ACSM1: variants seen among roughly 807,000 people sequenced by gnomAD.
ACSM1 encodes the protein acyl-coenzyme A synthetase ACSM1, mitochondrial.
Under a neutral mutation model 75.8 loss-of-function variants are expected in ACSM1, and 79 were observed. The observed-to-expected ratio is 1.04, with a 90% CI of 0.87 to 1.26. The LOEUF (loss-of-function observed/expected upper bound fraction) is 1.26. Among genes scored for constraint, ACSM1 ranks in the 50% most tolerant of loss-of-function variants. ACSM1 has a pLI of 0.00. For missense variants in ACSM1, 676 were observed against 720.1 expected (o/e 0.94, Z 0.70); for synonymous variants, 279 against 265.8 (o/e 1.05, Z -0.48).
intron 10 of ACSM1, among the ~76,000 whole-genome samples, chr16:20,632,241 A>T (rs1367552144): frequency 6.6e-6 from 1 of 152,234 alleles, no homozygotes; most frequent in Non-Finnish European, 1.5e-5. Context: ...ATTAGAGTTC[A>T]TATAAATAAA....
At chr16:20,663,608 G>A (rs778998617) in intron 6 of ACSM1, among the ~76,000 whole-genome samples, 6 of 152,288 alleles carry the variant, frequency 3.9e-5, no homozygotes, top group Middle Eastern at 3.4e-3. Flanking sequence ...ATGTCGCCCT[G>A]AAATGCTGTG....
intron 3 of ACSM1, among the ~76,000 whole-genome samples, chr16:20,683,566 C>A (rs968519758): frequency 3.3e-5 from 5 of 151,998 alleles, no homozygotes; most frequent in Non-Finnish European, 2.9e-5. Context: ...AATGGCCATG[C>A]CTCACCCCAT....
At chr16:20,681,678 C>A (rs1419116634) in intron 4 of ACSM1, 2 of 153,104 alleles carry the variant, frequency 1.3e-5, no homozygotes, top group African/African-American at 4.8e-5. Context: ...AATAGTGGTG[C>A]TTTCTATTAA....
At chr16:20,676,540 C>G (rs1034394337) in intron 4 of ACSM1, among the ~76,000 whole-genome samples, 1 of 152,232 alleles carries the variant, frequency 6.6e-6, no homozygotes, top group African/African-American at 2.4e-5. Flanking sequence ...TTAGAAGCTC[C>G]GTAGGTGTGA....
rs2079443522 is a variant in ACSM1 at position 20,681,416 on chromosome 16, TC to T, written c.611+839del. On this transcript the variant is annotated intron_variant, in intron 4 of 13. Coordinates refer to ENST00000520010, the MANE Select transcript of ACSM1 (RefSeq NM_001318890.3). ...GGCCCATGTTCCAATTCAGACTTGG[TC>T]CTAATGGTCCCTGGATTCTTTGTTT... The T allele has an allele frequency of 5.3e-5, 8 of 152,318 alleles. No homozygotes were observed. In the South Asian group the frequency reaches 1.7e-3, roughly 32 times the overall value. The allele number at this position is 152,318 out of a possible 1,614,324, so 9.4% of individuals were successfully genotyped here.
intron 10 of ACSM1, among the ~76,000 whole-genome samples, chr16:20,629,390 T>C (rs1462859919): frequency 1.3e-5 from 2 of 152,114 alleles, no homozygotes; most frequent in Admixed American, 1.3e-4. Flanking sequence ...CTTAGGATGT[T>C]GTATGTAATA....
Position 20,648,737 on chromosome 16 carries a change from G to C in ACSM1, c.993-8153C>G, listed in dbSNP as rs1045156683. ...GATAAACTCAACCAACTGCCAATCA[G>C]AAAATCCTTCTATGACCTGGAAGCC... On this transcript the variant is annotated intron_variant, in intron 7 of 13. Transcript: ENST00000520010. This position sits in a 1 kb window ranked among gnomAD's most constrained non-coding sequence, Gnocchi z 4.2. Among the ~76,000 whole-genome samples, 3 of 152,118 alleles carry C rather than the reference G, an allele frequency of 2.0e-5. No homozygotes were observed. Among genetic ancestry groups the C allele is most frequent in the African/African-American group, 7.2e-5 (3 of 41,424 alleles).
At position 20,671,633 on chromosome 16, in the gene ACSM1, G is replaced by A. The variant is rs1281847945; in HGVS notation, c.650C>T (p.Thr217Ile). The change falls in exon 5 of 14, where the codon ACC (threonine) becomes ATC (isoleucine). Residue 217 changes from threonine (T) to isoleucine (I), a missense_variant. By Grantham distance (89) the Thr-to-Ile change is moderately conservative. Coordinates refer to ENST00000520010, the MANE Select transcript of ACSM1 (RefSeq NM_001318890.3). ...SPEHTCVKSK[T>I]LDPMVIFFTS... is the part of the protein sequence containing the mutation. ...GAAGAAGATGACCATTGGGTCCAAG[G>A]TCTTTGACTTAACACAGGTGTGTTC... is the stretch of plus-strand genomic sequence containing the variant. 2 of 1,612,410 alleles carry A rather than the reference G, an allele frequency of 1.2e-6. No homozygotes were observed. The highest frequency in any genetic ancestry group is 2.2e-5 in the South Asian group (2 of 90,848).
At chr16:20,649,860 G>T (rs1281454321) in intron 7 of ACSM1, among the ~76,000 whole-genome samples, 2 of 152,164 alleles carry the variant, frequency 1.3e-5, no homozygotes, top group Non-Finnish European at 2.9e-5. Flanking sequence ...GACCTCCTGA[G>T]GGCTGTGTCA....
At chr16:20,669,752 AT>A (rs1187727296) in intron 6 of ACSM1, 74 bp downstream of exon 6, 8 of 1,487,082 alleles carry the variant, frequency 5.4e-6, no homozygotes, top group East Asian at 4.5e-5. Context: ...TTAATAAAAT[AT>A]TTTTTTAGCA....
At chr16:20,627,434 A>G in intron 10 of ACSM1, 118 bp from the exon 11 acceptor site, 1 of 1,232,504 alleles carries the variant, frequency 8.1e-7, no homozygotes, top group Non-Finnish European at 1.1e-6. Flanking sequence ...TACCTGGGCA[A>G]GTTTTGCCAT....
At chr16:20,645,408 T>C (rs2018305467) in intron 7 of ACSM1, among the ~76,000 whole-genome samples, 1 of 152,226 alleles carries the variant, frequency 6.6e-6, no homozygotes, top group Non-Finnish European at 1.5e-5. Context: ...AGATGTATTC[T>C]GGAGAATTCA....
chr16:20,632,681 C>T (rs548409683), intron 10 of ACSM1, among the ~76,000 whole-genome samples: 4 of 152,194 alleles, frequency 2.6e-5, no homozygotes, highest in Non-Finnish European at 5.9e-5. Flanking sequence ...TTTTATAAGT[C>T]AATCTATGAG....
chr16:20,642,980 G>A (rs984296706), intron 7 of ACSM1, among the ~76,000 whole-genome samples: 1 of 152,216 alleles, frequency 6.6e-6, no homozygotes, highest in South Asian at 2.1e-4. Flanking sequence ...CTTGTTGTCA[G>A]TGTAAACAAG....
In ACSM1 at chr16:20,669,867, A is replaced by G; in HGVS notation, c.872T>C (p.Ile291Thr). 1 of 1,614,028 alleles carries G rather than the reference A, an allele frequency of 6.2e-7. No individual in the cohort carries two copies. Among genetic ancestry groups the G allele is most frequent in the Non-Finnish European group, 8.5e-7 (1 of 1,179,916 alleles). The change falls in exon 6 of 14, where the codon ATC becomes ACC. Residue 291 changes from isoleucine to threonine, a missense_variant. Ile to Thr is a moderately conservative substitution (Grantham distance 89). Transcript: ENST00000520010. Reference protein sequence around the residue: ...EPWTAGCTVFIHHLPQFDTKV... With the variant: ...EPWTAGCTVFTHHLPQFDTKV... ...GGTGTCAAACTGTGGCAGATGGTGG[A>G]TAAAGACTGTACAACCCGCTGTCCA...
Position 20,691,236 on chromosome 16 carries a change from C to T in ACSM1, c.-48G>A, listed in dbSNP as rs1446544925. 2.7e-6 allele frequency: 4 copies of T among 1,457,428 alleles called. No homozygotes were observed. The highest frequency in any genetic ancestry group is 3.7e-6 in the Non-Finnish European group (4 of 1,093,434). 90.3% of individuals were successfully genotyped at this position (1,457,428 alleles called of 1,614,324 possible). ...AGGCACAGAGTTCTCAAGTCACCACCTGCCTTGGGAAGAGATGGCTAATAG... is the reference window on the plus strand; with the variant it reads ...AGGCACAGAGTTCTCAAGTCACCACTTGCCTTGGGAAGAGATGGCTAATAG... On this transcript the variant is annotated 5_prime_UTR_variant, in exon 2 of 14. Coordinates refer to ENST00000520010, the MANE Select transcript of ACSM1 (RefSeq NM_001318890.3).
At chr16:20,683,683 G>T in intron 3 of ACSM1, among the ~76,000 whole-genome samples, 1 of 141,660 alleles carries the variant, frequency 7.1e-6, no homozygotes, top group African/African-American at 2.7e-5. Context: ...CACCACGCCT[G>T]GCTAATTCTT....
intron 4 of ACSM1, among the ~76,000 whole-genome samples, chr16:20,678,381 A>G (rs1021589533): frequency 6.6e-6 from 1 of 152,210 alleles, no homozygotes; most frequent in Admixed American, 6.5e-5. Flanking sequence ...CCATTTGTAA[A>G]TGAACAATAT....
Position 20,661,839 on chromosome 16 carries a change from C to A in ACSM1, c.947G>T (p.Gly316Val), listed in dbSNP as rs762630239. 1 of 1,609,398 alleles carries A rather than the reference C, an allele frequency of 6.2e-7. No individual in the cohort carries two copies. Among genetic ancestry groups the A allele is most frequent in the Non-Finnish European group, 8.5e-7 (1 of 1,176,690 alleles). ...AATCATTCGATATATAGATGATACC[C>A]CCCAAAAGTGGTTAATGGGGTATTT... ...LLKYPINHFW[G>V]VSSIYRMILQ... Residue 316 changes from glycine (G) to valine (V), a missense_variant, in exon 7 of 14, where the codon GGG becomes GTG. Physicochemically the swap from Gly to Val is moderately radical, Grantham distance 109 (BLOSUM62 -3). Transcript: ENST00000520010.
Sources: gnomAD v4.1 joint callset for allele counts (sites outside exome capture counted in the v4.1 genomes callset) on GRCh38, gnomAD v4.1.1 for gene constraint, Gnocchi (gnomAD v3.1) non-coding constraint, MANE v1.5 for transcripts, NCBI Gene and HGNC (gene_info 2026-07-23, HGNC 2026-07-21) for gene names.